THSD7A: variants seen among roughly 807,000 people sequenced by gnomAD.
THSD7A encodes thrombospondin type-1 domain-containing protein 7A.
THSD7A carries 96 observed loss-of-function variants against 231.3 expected under a neutral mutation model. The observed-to-expected ratio is 0.41, with a 90% confidence interval of 0.35 to 0.49. THSD7A has a LOEUF of 0.49. Among genes scored for constraint, THSD7A ranks in the 20% least tolerant of loss-of-function variants. The pLI is 0.05. For missense variants in THSD7A, 2,290 were observed against 2,070.2 expected, an observed-to-expected ratio of 1.11 and a Z score of -2.06; for synonymous variants, 940 against 743.3, an observed-to-expected ratio of 1.26 and a Z score of -4.30.
intron 8 of THSD7A, among the ~76,000 whole-genome samples, chr7:11,470,949 C>G (rs1562635868): frequency 6.6e-6 from 1 of 151,828 alleles, no homozygotes; most frequent in African/African-American, 2.4e-5. Context: ...CTGTCTTATT[C>G]AAAATATACT....
At chr7:11,667,589 C>T (rs1783192013) in intron 1 of THSD7A, among the ~76,000 whole-genome samples, 2 of 152,060 alleles carry the variant, frequency 1.3e-5, no homozygotes, top group Admixed American at 1.3e-4. Context: ...AAAGCAATTG[C>T]AGTGCTTATA....
At chr7:11,812,825 G>A (rs190681168) in intron 1 of THSD7A, among the ~76,000 whole-genome samples, 33 of 152,200 alleles carry the variant, frequency 2.2e-4, no homozygotes, top group Non-Finnish European at 3.7e-4. Context: ...CAGACACCAC[G>A]ATATATGTCC....
intron 2 of THSD7A, among the ~76,000 whole-genome samples, chr7:11,608,738 T>C (rs1780819542): frequency 6.6e-6 from 1 of 152,176 alleles, no homozygotes. Context: ...TTCTAAACTT[T>C]CATTCCCTTA....
chr7:11,692,439 A>T (rs1268001326), intron 1 of THSD7A, among the ~76,000 whole-genome samples: 1 of 151,596 alleles, frequency 6.6e-6, no homozygotes, highest in African/African-American at 2.4e-5. Context: ...CAGGCTGGTG[A>T]TTTTAAAATA....
chr7:11,790,850 A>G (rs1053232103), intron 1 of THSD7A, among the ~76,000 whole-genome samples: 9 of 152,076 alleles, frequency 5.9e-5, no homozygotes, highest in East Asian at 1.9e-4. Context: ...TTAATTCTCT[A>G]ATTTTTATAC....
intron 6 of THSD7A, among the ~76,000 whole-genome samples, chr7:11,539,300 T>A (rs960056345): frequency 2.6e-5 from 4 of 152,216 alleles, no homozygotes; most frequent in African/African-American, 9.6e-5. Context: ...AATAAAAAAA[T>A]AATTTTCTTG....
At chr7:11,610,286 C>G (rs1780878798) in intron 2 of THSD7A, among the ~76,000 whole-genome samples, 1 of 152,086 alleles carries the variant, frequency 6.6e-6, no homozygotes, top group Non-Finnish European at 1.5e-5. Flanking sequence ...CAGACTTTCA[C>G]TCCCCCAAAT....
chr7:11,579,048 G>C (rs10486152), intron 4 of THSD7A, among the ~76,000 whole-genome samples: 44,466 of 151,992 alleles, frequency 0.29, 6,674 homozygotes, highest in South Asian at 0.41. Flanking sequence ...AATTTTAGTG[G>C]ATTTCAAACT....
At chr7:11,644,550 A>G (rs1782210179) in intron 1 of THSD7A, among the ~76,000 whole-genome samples, 2 of 151,982 alleles carry the variant, frequency 1.3e-5, no homozygotes, top group South Asian at 4.1e-4. Context: ...ATAAGGAGAG[A>G]TCACTGTAGA....
chr7:11,593,621 G>A lies in THSD7A; in HGVS notation c.1023-119C>T, dbSNP rs552514299. ...ATTTCTACTTGGAGGTGTGATTCCAGTTTCATCGAAAATACATCAACATTT... is the reference window on the plus strand; with the variant it reads ...ATTTCTACTTGGAGGTGTGATTCCAATTTCATCGAAAATACATCAACATTT... On this transcript the variant is annotated intron_variant, in intron 2 of 27. Coordinates refer to ENST00000423059, the MANE Select transcript of THSD7A (RefSeq NM_015204.3). 795 of 1,252,056 alleles carry A rather than the reference G, an allele frequency of 6.3e-4. 9 individuals carry two copies. In the South Asian group the frequency reaches 7.1e-3, roughly 11 times the overall value. The allele number at this position is 1,252,056 out of a possible 1,614,324, so 77.6% of individuals were successfully genotyped here.
chr7:11,387,303 A>T (rs1782788062), intron 23 of THSD7A, among the ~76,000 whole-genome samples: 1 of 152,162 alleles, frequency 6.6e-6, no homozygotes, highest in African/African-American at 2.4e-5. Flanking sequence ...TACTTTGGGC[A>T]GTATGGCCAT....
chr7:11,401,778 T>C lies in THSD7A; in HGVS notation c.4411+17A>G, dbSNP rs766198393. The C allele has an allele frequency of 4.4e-6, 7 of 1,602,282 alleles. No homozygotes were observed. The highest frequency in any genetic ancestry group is 2.2e-5 in the East Asian group (1 of 44,686). ...ATGCTTTTGCTTAAGATAGAGTATA[T>C]GAACGGTAGCACTCACCATAACATG... On this transcript the variant is annotated intron_variant, in intron 23 of 27. Coordinates refer to ENST00000423059, the MANE Select transcript of THSD7A (RefSeq NM_015204.3).
At chr7:11,666,374 G>C (rs1783131172) in intron 1 of THSD7A, among the ~76,000 whole-genome samples, 1 of 151,878 alleles carries the variant, frequency 6.6e-6, no homozygotes, top group East Asian at 1.9e-4. Flanking sequence ...TTACATTTGT[G>C]GTCATTGAAC....
chr7:11,429,415 C>T (rs1393294915), intron 13 of THSD7A, among the ~76,000 whole-genome samples: 2 of 152,146 alleles, frequency 1.3e-5, no homozygotes, highest in Admixed American at 1.3e-4. Context: ...TTGACAATAA[C>T]CTGTCTGCTG....
chr7:11,720,626 C>A (rs2355069), intron 1 of THSD7A, among the ~76,000 whole-genome samples: 19,876 of 151,630 alleles, frequency 0.13, 1,479 homozygotes, highest in Admixed American at 0.18. Flanking sequence ...TTTTCATTTT[C>A]TTTTTCCTCT....
At chr7:11,471,821 C>T (rs1317892536) in intron 8 of THSD7A, among the ~76,000 whole-genome samples, 1 of 152,038 alleles carries the variant, frequency 6.6e-6, no homozygotes, top group Non-Finnish European at 1.5e-5. Context: ...GGCAAAACTC[C>T]ACATATAATT....
intron 4 of THSD7A, among the ~76,000 whole-genome samples, chr7:11,569,903 T>C (rs1790547398): frequency 6.6e-6 from 1 of 152,148 alleles, no homozygotes; most frequent in Non-Finnish European, 1.5e-5. Flanking sequence ...CTGGGCACAG[T>C]GACTCACATT....
intron 13 of THSD7A, among the ~76,000 whole-genome samples, chr7:11,445,108 C>CA (rs943459802): frequency 1.8e-4 from 27 of 151,730 alleles, no homozygotes; most frequent in African/African-American, 6.3e-4. Context: ...AGCACCATTC[C>CA]AATAGCAGGA....
At chr7:11,677,233 G>A (rs1479219127) in intron 1 of THSD7A, among the ~76,000 whole-genome samples, 1 of 151,982 alleles carries the variant, frequency 6.6e-6, no homozygotes, top group African/African-American at 2.4e-5. Context: ...ATTTTGTCAT[G>A]ACCAGGCCTG....
Sources: allele counts gnomAD v4.1 joint callset (sites outside exome capture counted in the v4.1 genomes callset), GRCh38; gene constraint gnomAD v4.1.1; transcripts MANE v1.5; gene names NCBI Gene and HGNC (gene_info 2026-07-23, HGNC 2026-07-21).